Variants in LNX1 observed in about 807,000 individuals in gnomAD.
LNX1 encodes the protein E3 ubiquitin-protein ligase LNX.
In LNX1, 54 loss-of-function variants were observed where a neutral mutation model predicts 68.4. The observed-to-expected ratio is 0.79, with a 90% CI of 0.63 to 0.99. The LOEUF (loss-of-function observed/expected upper bound fraction) is 0.99. Ranked by LOEUF, LNX1 falls within the 50% of genes least tolerant of loss-of-function variation. The probability of loss-of-function intolerance (pLI) is 0.00; values close to 1 mark genes in which losing one functional copy is unlikely to be tolerated. For missense variants in LNX1, 906 were observed against 926.4 expected (o/e 0.98, Z 0.29); for synonymous variants, 336 against 350.0 (o/e 0.96, Z 0.45).
At chr4:53,583,572 A>G (rs1408881299) in intron 1 of LNX1, among the ~76,000 whole-genome samples, 1 of 152,188 alleles carries the variant, frequency 6.6e-6, no homozygotes, top group African/African-American at 2.4e-5. Context: ...ACCCTTTTAA[A>G]TGGTCTTTAA....
At chr4:53,512,091 A>G (rs963124526) in intron 2 of LNX1, among the ~76,000 whole-genome samples, 1 of 152,190 alleles carries the variant, frequency 6.6e-6, no homozygotes, top group African/African-American at 2.4e-5. Context: ...TTGCAAATTC[A>G]TATGCTCGTC....
At chr4:53,502,889 C>A (rs1430815295) in intron 4 of LNX1, among the ~76,000 whole-genome samples, 1 of 151,990 alleles carries the variant, frequency 6.6e-6, no homozygotes, top group Non-Finnish European at 1.5e-5. Flanking sequence ...AATGCCTCTA[C>A]ACTCATTCAA....
intron 2 of LNX1, among the ~76,000 whole-genome samples, chr4:53,511,836 G>A (rs756001173): frequency 2.4e-4 from 36 of 152,292 alleles, no homozygotes; most frequent in Admixed American, 7.8e-4. Context: ...ACAGGGCAGC[G>A]TGATCTGGGT....
At chr4:53,494,910 G>A (rs540252996) in intron 6 of LNX1, among the ~76,000 whole-genome samples, 120 of 152,284 alleles carry the variant, frequency 7.9e-4, no homozygotes, top group African/African-American at 2.6e-3. Flanking sequence ...CCCCAAGTCC[G>A]TATATGATTT....
Position 53,556,478 on chromosome 4 carries a change from G to A in LNX1, c.380+17145C>T, listed in dbSNP as rs559572807. ...CAACATAGCAACGAAGAAGGATAGC[G>A]CATGGGAATGGGTGGGCAGGGAAGA... On this transcript the variant is annotated intron_variant, in intron 2 of 10. Coordinates refer to ENST00000263925, the MANE Select transcript of LNX1 (RefSeq NM_001126328.3). Among the ~76,000 whole-genome samples, 175 of 152,272 alleles carry A rather than the reference G, an allele frequency of 1.1e-3. 1 individual carries two copies. The highest frequency in any genetic ancestry group is 3.7e-3 in the African/African-American group (152 of 41,562).
intron 4 of LNX1, among the ~76,000 whole-genome samples, chr4:53,506,857 A>T (rs1352052603): frequency 8.4e-5 from 4 of 47,662 alleles, no homozygotes; most frequent in African/African-American, 2.9e-4. Flanking sequence ...AACTCTGTCT[A>T]AAAAAAAAAA....
At chr4:53,507,896 A>C in intron 3 of LNX1, 90 bp downstream of exon 3, 1 of 1,484,404 alleles carries the variant, frequency 6.7e-7, no homozygotes, top group East Asian at 2.3e-5. Flanking sequence ...CCCTTAAAAA[A>C]CATTTACAGA....
intron 9 of LNX1, among the ~76,000 whole-genome samples, chr4:53,465,671 T>C (rs1722625085): frequency 6.6e-6 from 1 of 152,234 alleles, no homozygotes; most frequent in Non-Finnish European, 1.5e-5. Flanking sequence ...AAAGAACTTT[T>C]TAAAAATTCT....
exon 1 of LNX1, chr4:53,652,221 C>T (rs1049515950): frequency 2.6e-5 from 4 of 152,276 alleles, no homozygotes; most frequent in South Asian, 2.1e-4. Context: ...GGAGATAGTC[C>T]GTTTGAGAGC....
chr4:53,642,009 C>T (rs577687492), intron 1 of LNX1, among the ~76,000 whole-genome samples: 5 of 152,028 alleles, frequency 3.3e-5, no homozygotes, highest in African/African-American at 1.2e-4. Context: ...TTGCTTGAGG[C>T]CAGGAGTTAG....
In LNX1 at chr4:53,563,537, C is replaced by CTTTTT. The variant is rs763612909; in HGVS notation, c.380+10081_380+10085dup. Among the ~76,000 whole-genome samples the CTTTTT allele has an allele frequency of 2.7e-3, 389 of 142,568 alleles. 6 individuals carry two copies. The highest frequency in any genetic ancestry group is 8.8e-3 in the African/African-American group (337 of 38,304). The allele number at this position is 142,568 out of a possible 152,430, so 93.5% of individuals were successfully genotyped here. Reference sequence around the variant, plus strand: ...TCTGGTTCTAGGTTAGCTTCAAATTCTTTTTTTTTTTTTTTGAGACAGAGT... The same window carrying CTTTTT: ...TCTGGTTCTAGGTTAGCTTCAAATTCTTTTTTTTTTTTTTTTTTTTGAGACAGAGT... On this transcript the variant is annotated intron_variant, in intron 2 of 10. Transcript: ENST00000263925.
At chr4:53,597,844 C>G (rs894462260) in intron 2 of LNX1, among the ~76,000 whole-genome samples, 1 of 152,192 alleles carries the variant, frequency 6.6e-6, no homozygotes, top group East Asian at 1.9e-4. Context: ...AAGGGGTCCT[C>G]CTTGAATACT....
chr4:53,507,250 C>T (rs563879514), intron 4 of LNX1, 67 bp downstream of exon 4: 98 of 1,523,180 alleles, frequency 6.4e-5, no homozygotes, highest in Middle Eastern at 5.4e-4. Flanking sequence ...GATCAGATTG[C>T]GTCATCCCTG....
chr4:53,508,162 G>A lies in LNX1; in HGVS notation c.446C>T (p.Pro149Leu). The A allele has an allele frequency of 6.2e-7, 1 of 1,614,154 alleles. No homozygotes were observed. The highest frequency in any genetic ancestry group is 8.5e-7 in the Non-Finnish European group (1 of 1,180,022). Residue 149 changes from proline to leucine, a missense_variant, in exon 3 of 11, where the codon CCA (proline) becomes CTA (leucine). Physicochemically the swap from Pro to Leu is moderately conservative, Grantham distance 98. Transcript: ENST00000263925. ...GGCTGTGAGGCTCGCACAGCCGTCT[G>A]GACAGCCATCTTGTGAGCGCCTCTT... is the stretch of plus-strand genomic sequence containing the variant. ...DRKRRSQDGC[P>L]DGCASLTATA... is the part of the protein sequence containing the mutation.
rs200173285 is a variant in LNX1, at chr4:53,557,977, T to C, written c.380+15646A>G. ...AGAAGCGCCTTCATTCTCCGAGCAGTGTGCTGCCTTCTCCCTGGCCACCTT... is the reference window on the plus strand; with the variant it reads ...AGAAGCGCCTTCATTCTCCGAGCAGCGTGCTGCCTTCTCCCTGGCCACCTT... On this transcript the variant is annotated intron_variant, in intron 2 of 10. Coordinates refer to ENST00000263925, the MANE Select transcript of LNX1 (RefSeq NM_001126328.3). 17 of 1,613,520 alleles carry C rather than the reference T, an allele frequency of 1.1e-5. No individual in the cohort carries two copies. The African/African-American group carries it at 2.1e-4, about 20-fold the overall frequency.
chr4:53,509,053 T>A (rs1579437282), intron 2 of LNX1, among the ~76,000 whole-genome samples: 1 of 152,224 alleles, frequency 6.6e-6, no homozygotes, highest in South Asian at 2.1e-4. Context: ...AGACCAAGGT[T>A]GGAGCTGATC....
At chr4:53,626,616 A>C (rs2109866613) in intron 1 of LNX1, among the ~76,000 whole-genome samples, 1 of 152,334 alleles carries the variant, frequency 6.6e-6, no homozygotes, top group Middle Eastern at 3.4e-3. Flanking sequence ...GAATGCTGAC[A>C]AAATTGGGAG....
In LNX1 at chr4:53,507,416, G is replaced by C. The variant is rs776122418; in HGVS notation, c.676C>G (p.Arg226Gly). 1 of 1,613,932 alleles carries C rather than the reference G, an allele frequency of 6.2e-7. No homozygotes were observed. The highest frequency in any genetic ancestry group is 1.3e-5 in the African/African-American group (1 of 74,912). Reference protein sequence around the residue: ...IRSRSFKKINRALSVLRRTKS... With the variant: ...IRSRSFKKINGALSVLRRTKS... ...GTCCTTCGAAGAACACTCAAAGCTCGATTTATTTTTTTAAATGATCTGCTT... is the reference window on the plus strand; with the variant it reads ...GTCCTTCGAAGAACACTCAAAGCTCCATTTATTTTTTTAAATGATCTGCTT... Residue 226 changes from arginine (R) to glycine (G), a missense_variant, in exon 4 of 11, where the codon CGA (arginine) becomes GGA (glycine). Transcript: ENST00000263925.
chr4:53,498,244 A>T (rs1294247680), intron 5 of LNX1, among the ~76,000 whole-genome samples: 1 of 152,180 alleles, frequency 6.6e-6, no homozygotes, highest in Non-Finnish European at 1.5e-5. Flanking sequence ...CTACTCTAAA[A>T]ACAATTTAAG....
Sources: allele counts gnomAD v4.1 joint callset (sites outside exome capture counted in the v4.1 genomes callset), GRCh38; gene constraint gnomAD v4.1.1; transcripts MANE v1.5; gene names NCBI Gene and HGNC (gene_info 2026-07-23, HGNC 2026-07-21).